The following SEMA6D variants were observed in gnomAD, a reference collection of about 807,000 sequenced individuals.
SEMA6D encodes semaphorin-6D.
A neutral mutation model predicts 106.6 loss-of-function variants in SEMA6D; 35 were observed. The observed-to-expected ratio is 0.33, with a 90% CI of 0.25 to 0.44. The LOEUF is 0.44. Ranked by LOEUF, SEMA6D falls within the 20% of genes least tolerant of loss-of-function variation. The probability of loss-of-function intolerance (pLI) is 1.00; values close to 1 mark genes in which losing one functional copy is unlikely to be tolerated. For synonymous variants in SEMA6D, 499 were observed against 487.7 expected (o/e 1.02, Z -0.31); for missense variants, 1,185 against 1,345.9 (o/e 0.88, Z 1.87).
In SEMA6D at chr15:47,770,865, T is replaced by C; in HGVS notation, c.2302T>C (p.Leu768=). The change falls in exon 19 of 19, where the codon TTG becomes CTG. Residue 768 remains leucine, a synonymous_variant. Transcript: ENST00000536845. ...GGACCATCGAGGGCAACCTCCAGAGTTGGCTGCTCTTCCTACTCCTGAGTC... is the reference window on the plus strand; with the variant it reads ...GGACCATCGAGGGCAACCTCCAGAGCTGGCTGCTCTTCCTACTCCTGAGTC... ...VMDHRGQPPE[L]AALPTPESTP... 6.2e-7 allele frequency: 1 copy of C among 1,613,872 alleles called. No homozygotes were observed. Among genetic ancestry groups the C allele is most frequent in the Non-Finnish European group, 8.5e-7 (1 of 1,179,970 alleles).
intron 1 of SEMA6D, among the ~76,000 whole-genome samples, chr15:47,222,178 AT>A (rs973622627): frequency 3.2e-4 from 48 of 152,250 alleles, no homozygotes; most frequent in African/African-American, 1.1e-3. Flanking sequence ...GTGGATTAGG[AT>A]TTTATGGGAC....
chr15:47,752,511 C>T (rs2147376056), intron 1 of SEMA6D, among the ~76,000 whole-genome samples: 1 of 152,214 alleles, frequency 6.6e-6, no homozygotes, highest in East Asian at 1.9e-4. Context: ...AGTGAAGACC[C>T]AGGTGATAGC....
chr15:47,435,400 A>G (rs569209142), intron 2 of SEMA6D, among the ~76,000 whole-genome samples: 4 of 152,202 alleles, frequency 2.6e-5, no homozygotes, highest in East Asian at 1.9e-4. Flanking sequence ...GCTTCCTAGA[A>G]TGGTGGAAAC....
At chr15:47,311,937 AAGG>A (rs1272201102) in intron 1 of SEMA6D, among the ~76,000 whole-genome samples, 1 of 152,164 alleles carries the variant, frequency 6.6e-6, no homozygotes, top group Non-Finnish European at 1.5e-5. Context: ...AGCTCTGTGT[AAGG>A]AGACTTTCCA....
intron 3 of SEMA6D, among the ~76,000 whole-genome samples, chr15:47,517,535 G>A (rs141522633): frequency 3.4e-4 from 51 of 152,212 alleles, no homozygotes; most frequent in Non-Finnish European, 1.9e-4. Flanking sequence ...AACAGACTGG[G>A]AACAAAATAT....
At chr15:47,389,036 T>C (rs1230615960) in intron 1 of SEMA6D, among the ~76,000 whole-genome samples, 1 of 152,102 alleles carries the variant, frequency 6.6e-6, no homozygotes, top group African/African-American at 2.4e-5. Context: ...TTTCTGCGGG[T>C]CCAAATAAGG....
intron 1 of SEMA6D, among the ~76,000 whole-genome samples, chr15:47,191,912 C>T (rs1893990256): frequency 6.6e-6 from 1 of 152,042 alleles, no homozygotes; most frequent in Non-Finnish European, 1.5e-5. Flanking sequence ...TCAAGAAAGT[C>T]GAGCAGGAAG....
intron 1 of SEMA6D, among the ~76,000 whole-genome samples, chr15:47,266,613 C>T (rs1228628447): frequency 6.6e-6 from 1 of 152,062 alleles, no homozygotes; most frequent in African/African-American, 2.4e-5. Context: ...CAAATAGAGG[C>T]TGGGCAGAAG....
intron 1 of SEMA6D, among the ~76,000 whole-genome samples, chr15:47,292,344 A>G (rs2035623198): frequency 6.6e-6 from 1 of 152,186 alleles, no homozygotes; most frequent in Admixed American, 6.5e-5. Flanking sequence ...GCTATATAAA[A>G]TTGCTTTTGG....
chr15:47,667,652 C>T (rs928065712), intron 4 of SEMA6D, among the ~76,000 whole-genome samples: 2 of 152,148 alleles, frequency 1.3e-5, no homozygotes, highest in African/African-American at 4.8e-5. Flanking sequence ...TGAGAGTGCA[C>T]TTCCTGGCTG....
At chr15:47,330,775 G>A (rs1293003163) in intron 1 of SEMA6D, among the ~76,000 whole-genome samples, 2 of 152,158 alleles carry the variant, frequency 1.3e-5, no homozygotes, top group Admixed American at 6.5e-5. Context: ...GATCAGGGAC[G>A]GCTTCTCTGA....
At chr15:47,642,918 A>G (rs1017340007) in intron 4 of SEMA6D, among the ~76,000 whole-genome samples, 2 of 151,922 alleles carry the variant, frequency 1.3e-5, no homozygotes, top group African/African-American at 4.8e-5. Flanking sequence ...GAAATGCGGG[A>G]AGGGATAGGG....
At chr15:47,202,949 A>C (rs1187982781) in intron 1 of SEMA6D, among the ~76,000 whole-genome samples, 1 of 152,194 alleles carries the variant, frequency 6.6e-6, no homozygotes, top group Non-Finnish European at 1.5e-5. Context: ...TCTGAGAGAT[A>C]TCTCTCTCCA....
chr15:47,655,574 C>T (rs1230435582), intron 4 of SEMA6D, among the ~76,000 whole-genome samples: 3 of 152,186 alleles, frequency 2.0e-5, no homozygotes, highest in East Asian at 1.9e-4. Flanking sequence ...CAATTACATT[C>T]GCTTCCTTCA....
chr15:47,342,860 G>A (rs1374664076), intron 1 of SEMA6D, among the ~76,000 whole-genome samples: 3 of 152,050 alleles, frequency 2.0e-5, no homozygotes, highest in African/African-American at 4.8e-5. Flanking sequence ...ACAGGCACAT[G>A]CCACCACACC....
intron 3 of SEMA6D, among the ~76,000 whole-genome samples, chr15:47,594,413 C>A (rs866629398): frequency 2.0e-5 from 3 of 152,316 alleles, no homozygotes; most frequent in Middle Eastern, 3.4e-3. Flanking sequence ...AACTAAGACA[C>A]CTCCATGTGT....
At chr15:47,187,502 A>T (rs1285700507) in intron 1 of SEMA6D, among the ~76,000 whole-genome samples, 1 of 152,176 alleles carries the variant, frequency 6.6e-6, no homozygotes, top group Non-Finnish European at 1.5e-5. Context: ...AAAGAACATC[A>T]TTGATGTCAT....
At chr15:47,284,024 T>C (rs1453870314) in intron 1 of SEMA6D, among the ~76,000 whole-genome samples, 1 of 152,160 alleles carries the variant, frequency 6.6e-6, no homozygotes, top group Admixed American at 6.5e-5. Context: ...CCCACTGCTT[T>C]TGGTTCACTT....
At chr15:47,241,694 G>A (rs1204166510) in intron 1 of SEMA6D, among the ~76,000 whole-genome samples, 2 of 149,274 alleles carry the variant, frequency 1.3e-5, no homozygotes, top group East Asian at 2.0e-4. Flanking sequence ...AGAAGAAAAC[G>A]ATGGAAAAAA....
Sources: gnomAD v4.1 joint callset for allele counts (sites outside exome capture counted in the v4.1 genomes callset) on GRCh38, gnomAD v4.1.1 for gene constraint, MANE v1.5 for transcripts, NCBI Gene and HGNC (gene_info 2026-07-23, HGNC 2026-07-21) for gene names.